The following IL22RA2 variants were observed in gnomAD, a reference collection of about 807,000 sequenced individuals.
IL22RA2 encodes the protein interleukin 22 receptor subunit alpha 2, also known as interleukin-22 receptor subunit alpha-2.
IL22RA2 carries 39 observed loss-of-function variants against 30.7 expected under a neutral mutation model. The observed-to-expected ratio is 1.27, with a 90% CI of 0.98 to 1.66. The LOEUF (loss-of-function observed/expected upper bound fraction) is 1.66, where lower values mean the gene tolerates loss of function less well. IL22RA2 is among the 40% of genes most tolerant of loss of function. The pLI is 0.00. For synonymous variants in IL22RA2, 103 were observed against 105.0 expected (o/e 0.98, Z 0.11); for missense variants, 315 against 312.7 (o/e 1.01, Z -0.05).
intron 1 of IL22RA2, among the ~76,000 whole-genome samples, chr6:137,164,153 A>G (rs1729991613): frequency 6.6e-6 from 1 of 152,168 alleles, no homozygotes; most frequent in South Asian, 2.1e-4. Context: ...AAAAACTTTA[A>G]AAAAAGTTTT....
At position 137,157,508 on chromosome 6, in the gene IL22RA2, A is replaced by AC. The variant is rs148579401; in HGVS notation, c.198-655dup. On this transcript the variant is annotated intron_variant, in intron 3 of 6. Coordinates refer to ENST00000296980, the MANE Select transcript of IL22RA2 (RefSeq NM_052962.3). ...CGAAATTAATTAGCAGGAAAATCTG[A>AC]CCTAGGACCTACCCCATGCTGGAGA... Among the ~76,000 whole-genome samples the AC allele has an allele frequency of 5.7e-3, 873 of 152,274 alleles. 17 individuals carry two copies. Among genetic ancestry groups the AC allele is most frequent in the African/African-American group, 0.02 (827 of 41,546 alleles).
At chr6:137,169,646 A>T (rs758064912) in intron 1 of IL22RA2, among the ~76,000 whole-genome samples, 1 of 152,236 alleles carries the variant, frequency 6.6e-6, no homozygotes, top group African/African-American at 2.4e-5. Flanking sequence ...AAGATGGGTC[A>T]TGGGGATACT....
chr6:137,147,588 G>A lies in IL22RA2; in HGVS notation c.642+134C>T. 4.2e-6 allele frequency: 3 copies of A among 719,774 alleles called. No individual in the cohort carries two copies. The South Asian group carries it at 6.6e-5, about 16-fold the overall frequency. The allele number at this position is 719,774 out of a possible 1,614,324, so 44.6% of individuals were successfully genotyped here. ...CCAACCGTTGATCAATGATGGCTGA[G>A]AGTAAGAAGAAATTAAAGATAAGGA... On this transcript the variant is annotated intron_variant, in intron 6 of 6. Transcript: ENST00000296980.
chr6:137,152,401 G>A (rs888252560), intron 5 of IL22RA2, among the ~76,000 whole-genome samples: 68 of 152,238 alleles, frequency 4.5e-4, no homozygotes, highest in African/African-American at 1.6e-3. Flanking sequence ...AAAGAATGAA[G>A]TACTGATACA....
At chr6:137,161,100 C>G (rs1360672536) in intron 2 of IL22RA2, among the ~76,000 whole-genome samples, 1 of 152,216 alleles carries the variant, frequency 6.6e-6, no homozygotes, top group East Asian at 1.9e-4. Flanking sequence ...GAAGCAAATT[C>G]TCACCTGTTG....
intron 5 of IL22RA2, among the ~76,000 whole-genome samples, chr6:137,150,752 A>C (rs990029181): frequency 2.0e-5 from 3 of 152,212 alleles, no homozygotes; most frequent in Non-Finnish European, 4.4e-5. Context: ...CAGTTTAGTC[A>C]TGAAATCTCC....
intron 1 of IL22RA2, among the ~76,000 whole-genome samples, chr6:137,168,665 A>G (rs1332195305): frequency 6.6e-6 from 1 of 152,186 alleles, no homozygotes; most frequent in Non-Finnish European, 1.5e-5. Context: ...TTGCCAGCCA[A>G]GAGGAGAAGA....
At chr6:137,171,404 C>A (rs979501268) in intron 1 of IL22RA2, among the ~76,000 whole-genome samples, 1 of 152,198 alleles carries the variant, frequency 6.6e-6, no homozygotes, top group African/African-American at 2.4e-5. Context: ...CACCCTCCAT[C>A]ACAACCATTA....
rs186503486 is a variant in IL22RA2 at position 137,157,655 on chromosome 6, G to A, written c.197+692C>T. 9.0e-4 allele frequency among the ~76,000 whole-genome samples: 137 copies of A among 152,184 alleles called. 2 individuals are homozygous for A. The highest frequency in any genetic ancestry group is 2.9e-4 in the Non-Finnish European group (20 of 68,018). Reference sequence around the variant, plus strand: ...AATATCTCCTGTCTCACTGTCAGGAGACAGGATTGAGCCTCAACCCCCCTC... The same window carrying A: ...AATATCTCCTGTCTCACTGTCAGGAAACAGGATTGAGCCTCAACCCCCCTC... On this transcript the variant is annotated intron_variant, in intron 3 of 6. Coordinates refer to ENST00000296980, the MANE Select transcript of IL22RA2 (RefSeq NM_052962.3).
At chr6:137,162,264 C>T (rs1183695692) in intron 1 of IL22RA2, among the ~76,000 whole-genome samples, 6 of 152,186 alleles carry the variant, frequency 3.9e-5, no homozygotes, top group South Asian at 2.1e-4. Flanking sequence ...AGGGGTCTAT[C>T]GTTGATTCAC....
chr6:137,147,955 T>A, intron 5 of IL22RA2, 64 bp from the exon 6 acceptor site: 2 of 1,434,122 alleles, frequency 1.4e-6, no homozygotes, highest in Non-Finnish European at 1.9e-6. Context: ...AGACGCATTA[T>A]GTATAATGAC....
intron 1 of IL22RA2, among the ~76,000 whole-genome samples, chr6:137,172,258 G>T (rs919412129): frequency 6.6e-6 from 1 of 152,208 alleles, no homozygotes; most frequent in African/African-American, 2.4e-5. Context: ...GTTTCCACTG[G>T]GTTGCTGACT....
At chr6:137,161,022 G>A in intron 2 of IL22RA2, among the ~76,000 whole-genome samples, 1 of 152,178 alleles carries the variant, frequency 6.6e-6, no homozygotes, top group East Asian at 1.9e-4. Context: ...CATTCTTACA[G>A]GCTTGCTCAG....
At chr6:137,164,079 G>A (rs1268653303) in intron 1 of IL22RA2, among the ~76,000 whole-genome samples, 2 of 152,104 alleles carry the variant, frequency 1.3e-5, no homozygotes, top group East Asian at 1.9e-4. Context: ...GAGAGTGAAA[G>A]TGCATCACAA....
intron 1 of IL22RA2, among the ~76,000 whole-genome samples, chr6:137,164,081 GC>G (rs2114388214): frequency 1.3e-5 from 2 of 152,228 alleles, no homozygotes; most frequent in African/African-American, 4.8e-5. Flanking sequence ...GAGTGAAAGT[GC>G]ATCACAAGGG....
chr6:137,153,500 C>T (rs371799643), intron 5 of IL22RA2, among the ~76,000 whole-genome samples: 10 of 152,290 alleles, frequency 6.6e-5, no homozygotes, highest in Admixed American at 4.6e-4. Flanking sequence ...CTGACTGTTA[C>T]CCATAGTGAA....
At chr6:137,162,384 C>G (rs532206608) in intron 1 of IL22RA2, among the ~76,000 whole-genome samples, 112 of 152,292 alleles carry the variant, frequency 7.4e-4, no homozygotes, top group Non-Finnish European at 1.2e-3. Context: ...TTCAGCCTTT[C>G]CCACTCCATA....
At chr6:137,160,776 C>T (rs551111990) in intron 2 of IL22RA2, among the ~76,000 whole-genome samples, 4 of 152,158 alleles carry the variant, frequency 2.6e-5, no homozygotes, top group African/African-American at 7.2e-5. Flanking sequence ...ATCTCTTACT[C>T]GAGGTTACAG....
At position 137,144,206 on chromosome 6, in the gene IL22RA2, T is replaced by C. The variant is rs1778128586; in HGVS notation, c.*1418A>G. ...AAACAGAGATCAAAGTAAATTTTTT[T>C]TTCAGTCTCTGCGTCTATGCTCAAA... On this transcript the variant is annotated 3_prime_UTR_variant, in exon 7 of 7. Transcript: ENST00000296980. The C allele has an allele frequency of 1.3e-5, 2 of 152,216 alleles. No homozygotes were observed. Among genetic ancestry groups the C allele is most frequent in the Admixed American group, 1.3e-4 (2 of 15,278 alleles). The allele number at this position is 152,216 out of a possible 1,614,324, so 9.4% of individuals were successfully genotyped here.
Sources: allele counts gnomAD v4.1 joint callset (sites outside exome capture counted in the v4.1 genomes callset), GRCh38; gene constraint gnomAD v4.1.1; transcripts MANE v1.5; gene names NCBI Gene and HGNC (gene_info 2026-07-23, HGNC 2026-07-21).